Variants in THADA observed in about 807,000 individuals in gnomAD.
THADA encodes THADA armadillo repeat containing, also known as tRNA (32-2'-O)-methyltransferase regulator THADA.
Under a neutral mutation model 219.8 loss-of-function variants are expected in THADA, and 213 were observed. The ratio of observed to expected loss-of-function variants is 0.97; its 90% CI spans 0.87 to 1.09. THADA has a LOEUF of 1.09. Among genes scored for constraint, THADA ranks in the 50% least tolerant of loss-of-function variants. The pLI is 0.00. For synonymous variants in THADA, 1,018 were observed against 828.9 expected (o/e 1.23, Z -3.92); for missense variants, 2,956 against 2,311.3 (o/e 1.28, Z -5.72).
At chr2:43,263,282 C>T (rs147582707) in intron 36 of THADA, among the ~76,000 whole-genome samples, 4 of 152,134 alleles carry the variant, frequency 2.6e-5, no homozygotes, top group South Asian at 4.1e-4. Context: ...TGCCCAGAGC[C>T]GTCTCATTCT....
At chr2:43,319,652 G>C (rs1678466256) in intron 31 of THADA, among the ~76,000 whole-genome samples, 1 of 152,260 alleles carries the variant, frequency 6.6e-6, no homozygotes, top group African/African-American at 2.4e-5. Flanking sequence ...ATGTAACAGA[G>C]GAAAGGCCTG....
intron 26 of THADA, among the ~76,000 whole-genome samples, chr2:43,481,067 G>T (rs1686155200): frequency 6.6e-6 from 1 of 152,166 alleles, no homozygotes; most frequent in African/African-American, 2.4e-5. Flanking sequence ...GAAACTTGTG[G>T]AATCTCTTTT....
chr2:43,532,503 C>T (rs1448677499), intron 21 of THADA, among the ~76,000 whole-genome samples: 1 of 151,144 alleles, frequency 6.6e-6, no homozygotes, highest in Non-Finnish European at 1.5e-5. Flanking sequence ...ACAAAAACCA[C>T]ATGATTATCT....
intron 26 of THADA, among the ~76,000 whole-genome samples, chr2:43,468,924 C>G (rs918577316): frequency 2.0e-5 from 3 of 152,146 alleles, no homozygotes; most frequent in Non-Finnish European, 4.4e-5. Context: ...ATAAATTGCT[C>G]AAAGTCAGAG....
rs991005012 is a variant in THADA, at chr2:43,570,565, C to T, written c.2065-55G>A. The T allele has an allele frequency of 8.4e-6, 13 of 1,556,244 alleles. No individual in the cohort carries two copies. In the African/African-American group the frequency reaches 1.7e-4, roughly 20 times the overall value. Reference sequence around the variant, plus strand: ...TGAGCCACACATTAAATTTAAATGTCAGCCTGAGAGGCAAATTATTTAGAA... The same window carrying T: ...TGAGCCACACATTAAATTTAAATGTTAGCCTGAGAGGCAAATTATTTAGAA... On this transcript the variant is annotated intron_variant, in intron 13 of 37. Coordinates refer to ENST00000405975, the MANE Select transcript of THADA (RefSeq NM_022065.5).
At chr2:43,515,109 T>TAA (rs1691281312) in intron 22 of THADA, among the ~76,000 whole-genome samples, 14 of 32,384 alleles carry the variant, frequency 4.3e-4, no homozygotes, top group South Asian at 1.1e-3. Context: ...ATATAATATA[T>TAA]TTTATATATA....
At chr2:43,254,981 T>A (rs904865720) in intron 36 of THADA, among the ~76,000 whole-genome samples, 3 of 152,146 alleles carry the variant, frequency 2.0e-5, no homozygotes, top group African/African-American at 7.2e-5. Flanking sequence ...TAAAACAACA[T>A]AAAACACTCC....
intron 7 of THADA, among the ~76,000 whole-genome samples, chr2:43,584,621 T>C (rs1700817160): frequency 6.6e-6 from 1 of 152,084 alleles, no homozygotes; most frequent in Non-Finnish European, 1.5e-5. Context: ...GCAACCAATA[T>C]GCAACAAGAC....
At chr2:43,498,107 T>C (rs550433006) in intron 25 of THADA, among the ~76,000 whole-genome samples, 16 of 152,182 alleles carry the variant, frequency 1.1e-4, no homozygotes, top group East Asian at 3.9e-4. Flanking sequence ...ACCCTTCATA[T>C]ACTACATGAA....
intron 26 of THADA, among the ~76,000 whole-genome samples, chr2:43,481,247 C>A (rs1057190238): frequency 6.6e-6 from 1 of 152,168 alleles, no homozygotes; most frequent in Non-Finnish European, 1.5e-5. Flanking sequence ...ATCACTTATA[C>A]CCTGGAAAAT....
chr2:43,352,297 C>A (rs1668363798), intron 29 of THADA, among the ~76,000 whole-genome samples: 1 of 152,290 alleles, frequency 6.6e-6, no homozygotes, highest in East Asian at 1.9e-4. Context: ...GTGGCTCATG[C>A]CTGTAATCCC....
At chr2:43,261,819 T>C (rs1400401979) in intron 36 of THADA, among the ~76,000 whole-genome samples, 1 of 152,166 alleles carries the variant, frequency 6.6e-6, no homozygotes, top group Non-Finnish European at 1.5e-5. Context: ...GTATTTTTAG[T>C]AGAGACGGGG....
In THADA at chr2:43,291,758, G is replaced by C. The variant is rs1674755057; in HGVS notation, c.4948C>G (p.Gln1650Glu). The change falls in exon 34 of 38, where the codon CAG becomes GAG. Residue 1650 changes from glutamine (Q) to glutamate (E), a missense_variant. Physicochemically the swap from Gln to Glu is conservative, Grantham distance 29. Coordinates refer to ENST00000405975, the MANE Select transcript of THADA (RefSeq NM_022065.5). ...GAAGCAAGTCTCAGAGCTACACTCT[G>C]AATTTCAGATCTAGAAAAATAAACA... The part of the protein sequence containing the change: ...DIASNERSEI[Q>E]SVALRLASKV... 6.5e-7 allele frequency: 1 copy of C among 1,548,790 alleles called. No homozygotes were observed. The highest frequency in any genetic ancestry group is 1.4e-5 in the African/African-American group (1 of 73,170).
In THADA at chr2:43,556,556, C is replaced by G. The variant is rs747960933; in HGVS notation, c.2464-1G>C. ...ATAAGCCTTGCAGTTTCCCCGAATC[C>G]TAGAATAAAGCGCAGACTCAGTAAC... On this transcript the variant is annotated splice_acceptor_variant, in intron 16 of 37. Transcript: ENST00000405975. LOFTEE classifies it high-confidence loss of function. 1 of 1,613,028 alleles carries G rather than the reference C, an allele frequency of 6.2e-7. No individual in the cohort carries two copies.
intron 15 of THADA, chr2:43,563,385 C>A (rs1371742953): frequency 6.6e-6 from 1 of 152,170 alleles, no homozygotes. Context: ...TCTCCAGCCT[C>A]CTAGGTCTTC....
At chr2:43,330,216 A>C (rs1488926080) in intron 30 of THADA, among the ~76,000 whole-genome samples, 1 of 152,226 alleles carries the variant, frequency 6.6e-6, no homozygotes, top group Admixed American at 6.5e-5. Context: ...CCAGGAACGC[A>C]GAGCCTGCGG....
Position 43,592,040 on chromosome 2 carries a change from G to T in THADA, c.83C>A (p.Ala28Asp). 6.4e-7 allele frequency: 1 copy of T among 1,554,910 alleles called. No homozygotes were observed. Reference protein sequence around the residue: ...HQDLETLKSFADVEGKNLASL... With the variant: ...HQDLETLKSFDDVEGKNLASL... The stretch of plus-strand genomic sequence containing the variant: ...AGCTAGATTTTTCCCTTCCACATCA[G>T]CAAAAGCTATATAACATATACAAAA... Residue 28 changes from alanine to aspartate, a missense_variant, in exon 3 of 38, where the codon GCT becomes GAT. Ala to Asp is a moderately radical substitution (Grantham distance 126). Coordinates refer to ENST00000405975, the MANE Select transcript of THADA (RefSeq NM_022065.5).
intron 21 of THADA, among the ~76,000 whole-genome samples, chr2:43,538,275 G>T (rs1030571144): frequency 7.2e-5 from 11 of 152,162 alleles, no homozygotes; most frequent in Non-Finnish European, 1.2e-4. Context: ...CAACTAGTCA[G>T]GAAGTTGTGA....
At chr2:43,394,327 G>T (rs1440097041) in intron 29 of THADA, among the ~76,000 whole-genome samples, 2 of 152,150 alleles carry the variant, frequency 1.3e-5, no homozygotes, top group Non-Finnish European at 2.9e-5. Context: ...AAAATTCAGA[G>T]ATCAGCATAT....
Sources: allele counts gnomAD v4.1 joint callset (sites outside exome capture counted in the v4.1 genomes callset), GRCh38; gene constraint gnomAD v4.1.1; transcripts MANE v1.5; gene names NCBI Gene and HGNC (gene_info 2026-07-23, HGNC 2026-07-21).